MKLN1: variants seen among roughly 807,000 people sequenced by gnomAD.
MKLN1 encodes muskelin.
Under a neutral mutation model 99.0 loss-of-function variants are expected in MKLN1, and 18 were observed. That is an observed-to-expected ratio of 0.18 (90% CI 0.13 to 0.27). MKLN1 has a LOEUF of 0.27. Among genes scored for constraint, MKLN1 ranks in the 10% least tolerant of loss-of-function variants. The pLI, the probability that MKLN1 is intolerant of heterozygous loss-of-function variation, is 1.00. For missense variants in MKLN1, 621 were observed against 875.9 expected, an observed-to-expected ratio of 0.71 and a Z score of 3.67; for synonymous variants, 288 against 293.2, an observed-to-expected ratio of 0.98 and a Z score of 0.18.
intron 1 of MKLN1, among the ~76,000 whole-genome samples, chr7:131,130,128 T>A (rs1795527841): frequency 6.6e-6 from 1 of 152,186 alleles, no homozygotes; most frequent in African/African-American, 2.4e-5. Context: ...TAAATTTAGA[T>A]GAGATTCAAA....
At chr7:131,111,767 C>G (rs558371789) in intron 1 of MKLN1, among the ~76,000 whole-genome samples, 716 of 59,496 alleles carry the variant, frequency 0.012, 13 homozygotes, top group African/African-American at 0.034. Flanking sequence ...TAAAATGAAA[C>G]GCATAAATAA....
intron 2 of MKLN1, among the ~76,000 whole-genome samples, chr7:131,189,194 T>C (rs326232): frequency 0.69 from 105,274 of 152,102 alleles, 37,040 homozygotes; most frequent in East Asian, 0.98. Flanking sequence ...CCTCCACTTT[T>C]ATCATTGGGT....
At chr7:131,473,208 C>G (rs1796875284) in intron 16 of MKLN1, among the ~76,000 whole-genome samples, 1 of 152,046 alleles carries the variant, frequency 6.6e-6, no homozygotes, top group Non-Finnish European at 1.5e-5. Flanking sequence ...ACATGTAGAT[C>G]TCATTGTAGG....
chr7:131,197,661 C>T (rs537312547), intron 2 of MKLN1, among the ~76,000 whole-genome samples: 3 of 152,080 alleles, frequency 2.0e-5, no homozygotes, highest in African/African-American at 7.2e-5. Context: ...CTTGGATAAT[C>T]ATCCAGCCTG....
chr7:131,423,691 A>G (rs1482727029), intron 8 of MKLN1, among the ~76,000 whole-genome samples: 1 of 152,204 alleles, frequency 6.6e-6, no homozygotes, highest in Non-Finnish European at 1.5e-5. Context: ...TGTTCCTTAA[A>G]GAAACTTTTG....
chr7:131,326,840 T>G (rs1798901521), upstream of MKLN1: 1 of 152,260 alleles, frequency 6.6e-6, no homozygotes, highest in Non-Finnish European at 1.5e-5. Context: ...TGCTTGAATT[T>G]TTCCACTCTT....
At chr7:131,311,073 C>T (rs1039687018) in intron 3 of MKLN1, 4 of 151,726 alleles carry the variant, frequency 2.6e-5, no homozygotes, top group South Asian at 2.1e-4. Flanking sequence ...GTAATTAATT[C>T]GTGTTCTGCT....
At chr7:131,366,246 C>T (rs1800177352) in intron 1 of MKLN1, among the ~76,000 whole-genome samples, 1 of 151,976 alleles carries the variant, frequency 6.6e-6, no homozygotes, top group Non-Finnish European at 1.5e-5. Context: ...TTTTCAGATC[C>T]ATTTTATCAT....
At chr7:131,218,268 G>A (rs926960000) in intron 3 of MKLN1, among the ~76,000 whole-genome samples, 5 of 152,156 alleles carry the variant, frequency 3.3e-5, no homozygotes, top group East Asian at 3.8e-4. Context: ...GTTACCATTC[G>A]CTACATGACT....
At position 131,387,217 on chromosome 7, in the gene MKLN1, T is replaced by C. The variant is rs777284701; in HGVS notation, c.266T>C (p.Val89Ala). The change falls in exon 3 of 18, where the codon GTC becomes GCC. Residue 89 changes from valine to alanine, a missense_variant. Physicochemically the swap from Val to Ala is moderately conservative, Grantham distance 64 (BLOSUM62 0). Around this residue, in one of 8 missense-constraint regions of MKLN1, gnomAD observed 361 missense variants for 540.8 expected, o/e 0.67. Coordinates refer to ENST00000352689, the MANE Select transcript of MKLN1 (RefSeq NM_013255.5). ...THVCNLKKFKVFGGMNEENMT... is the reference protein window; with the variant it reads ...THVCNLKKFKAFGGMNEENMT... ...GTTTGCAATTTGAAGAAATTTAAAGTCTTTGGTGGAATGAATGAAGAAAAT... is the reference window on the plus strand; with the variant it reads ...GTTTGCAATTTGAAGAAATTTAAAGCCTTTGGTGGAATGAATGAAGAAAAT... 2 of 1,612,768 alleles carry C rather than the reference T, an allele frequency of 1.2e-6. No homozygotes were observed. Among genetic ancestry groups the C allele is most frequent in the Non-Finnish European group, 8.5e-7 (1 of 1,179,410 alleles).
intron 3 of MKLN1, among the ~76,000 whole-genome samples, chr7:131,298,761 T>A (rs1434215154): frequency 6.6e-6 from 1 of 152,232 alleles, no homozygotes; most frequent in Admixed American, 6.5e-5. Context: ...AATGCTGGAC[T>A]ACCCACTCTA....
intron 3 of MKLN1, among the ~76,000 whole-genome samples, chr7:131,248,074 AT>A (rs112584945): frequency 5.2e-5 from 3 of 57,254 alleles, no homozygotes; most frequent in African/African-American, 3.4e-4. Flanking sequence ...AATTACATTT[AT>A]TATTTATTTA....
intron 3 of MKLN1, among the ~76,000 whole-genome samples, chr7:131,313,527 C>G (rs1266361982): frequency 2.0e-5 from 3 of 152,236 alleles, no homozygotes; most frequent in Admixed American, 2.0e-4. Flanking sequence ...TAAAGTTTAT[C>G]TGTTCCACAT....
intron 4 of MKLN1, among the ~76,000 whole-genome samples, chr7:131,395,537 T>G (rs34639962): frequency 0.37 from 55,270 of 150,474 alleles, 10,500 homozygotes; most frequent in East Asian, 0.49. Flanking sequence ...CAGTGCACCT[T>G]GTACTTACTG....
chr7:131,189,909 AT>A (rs74615884), intron 2 of MKLN1, among the ~76,000 whole-genome samples: 66,122 of 151,884 alleles, frequency 0.44, 14,556 homozygotes, highest in East Asian at 0.56. Flanking sequence ...GCTGGGGGCA[AT>A]AGGGCTGTCT....
Position 131,437,926 on chromosome 7 carries a change from A to G in MKLN1, c.1102A>G (p.Thr368Ala). ...KSDFYRYDIDTNTWMLLSEDT... is the reference protein window; with the variant it reads ...KSDFYRYDIDANTWMLLSEDT... ...TGACTTCTATCGTTATGACATTGAT[A>G]CAAACACATGGATGTTACTAAGTGA... Residue 368 changes from threonine to alanine, a missense_variant, in exon 10 of 18, where the codon ACA (threonine) becomes GCA (alanine). By Grantham distance (58) the Thr-to-Ala change is moderately conservative (BLOSUM62 0). Transcript: ENST00000352689. The G allele has an allele frequency of 1.9e-6, 3 of 1,614,028 alleles. No individual in the cohort carries two copies. The highest frequency in any genetic ancestry group is 1.1e-5 in the South Asian group (1 of 91,080).
intron 2 of MKLN1, among the ~76,000 whole-genome samples, chr7:131,195,786 A>G (rs1317622493): frequency 1.3e-5 from 2 of 151,942 alleles, no homozygotes; most frequent in Non-Finnish European, 2.9e-5. Context: ...CCCTGTCTCT[A>G]CTAAAAATAC....
intron 3 of MKLN1, among the ~76,000 whole-genome samples, chr7:131,295,390 C>A (rs910861505): frequency 6.6e-6 from 1 of 152,006 alleles, no homozygotes; most frequent in African/African-American, 2.4e-5. Flanking sequence ...ACATTTAAAA[C>A]CTTTATATGG....
At chr7:131,173,950 G>A (rs1796253182) in intron 2 of MKLN1, among the ~76,000 whole-genome samples, 1 of 150,274 alleles carries the variant, frequency 6.7e-6, no homozygotes, top group Non-Finnish European at 1.5e-5. Flanking sequence ...TGCTTCTCCA[G>A]AGTTTAAAGA....
Sources: gnomAD v4.1 joint callset for allele counts (sites outside exome capture counted in the v4.1 genomes callset) on GRCh38, gnomAD v4.1.1 for gene constraint, gnomAD v4.1.1 regional missense constraint, MANE v1.5 for transcripts, NCBI Gene and HGNC (gene_info 2026-07-23, HGNC 2026-07-21) for gene names.